The following SH3D19 variants were observed in gnomAD, a reference collection of about 807,000 sequenced individuals.
SH3D19 encodes SH3 domain-containing protein 19.
SH3D19 carries 58 observed loss-of-function variants against 112.1 expected under a neutral mutation model. That is an observed-to-expected ratio of 0.52 (90% confidence interval 0.42 to 0.64). SH3D19 has a LOEUF of 0.64. SH3D19 is among the 30% of genes least tolerant of loss of function. SH3D19 has a pLI of 0.00. For missense variants in SH3D19, 1,090 were observed against 1,263.4 expected (o/e 0.86, Z 2.08); for synonymous variants, 391 against 448.5 (o/e 0.87, Z 1.62).
At chr4:151,156,012 A>G (rs1237579022) in intron 9 of SH3D19, among the ~76,000 whole-genome samples, 1 of 152,220 alleles carries the variant, frequency 6.6e-6, no homozygotes, top group Admixed American at 6.5e-5. Flanking sequence ...TATCAGTAAC[A>G]TTTCTATACA....
intron 9 of SH3D19, among the ~76,000 whole-genome samples, chr4:151,150,053 C>T (rs1169476203): frequency 6.6e-6 from 1 of 150,406 alleles, no homozygotes; most frequent in South Asian, 2.1e-4. Context: ...GGCATGGTGG[C>T]GGACACCTGT....
intron 1 of SH3D19, among the ~76,000 whole-genome samples, chr4:151,235,696 G>C (rs1580294098): frequency 6.6e-6 from 1 of 152,190 alleles, no homozygotes; most frequent in South Asian, 2.1e-4. Flanking sequence ...TGAGGCATGA[G>C]AATTGCTTGA....
intron 1 of SH3D19, among the ~76,000 whole-genome samples, chr4:151,289,939 C>T (rs115915962): frequency 0.018 from 2,739 of 152,150 alleles, 41 homozygotes; most frequent in Middle Eastern, 0.037. Flanking sequence ...AAAACCGGTA[C>T]ACAAGTGTTC....
Position 151,139,202 on chromosome 4 carries a change from G to A in SH3D19, c.2296+573C>T, listed in dbSNP as rs188380374. 7.3e-5 allele frequency among the ~76,000 whole-genome samples: 11 copies of A among 151,314 alleles called. No homozygotes were observed. The East Asian group carries it at 1.2e-3, about 16-fold the overall frequency. Reference sequence around the variant, plus strand: ...GGAGTCTCGCTCTGTCCCTCGGGCCGGAGTGCAGTGGCGCGATCTCAGCTC... The same window carrying A: ...GGAGTCTCGCTCTGTCCCTCGGGCCAGAGTGCAGTGGCGCGATCTCAGCTC... On this transcript the variant is annotated intron_variant, in intron 13 of 19. Transcript: ENST00000604030.
intron 3 of SH3D19, among the ~76,000 whole-genome samples, chr4:151,181,479 G>A (rs776481496): frequency 6.6e-6 from 1 of 152,104 alleles, no homozygotes; most frequent in Non-Finnish European, 1.5e-5. Context: ...ATCATCAACT[G>A]GTTTGACTGA....
intron 17 of SH3D19, among the ~76,000 whole-genome samples, chr4:151,129,717 C>G (rs1341687526): frequency 1.3e-5 from 2 of 152,194 alleles, no homozygotes; most frequent in Non-Finnish European, 2.9e-5. Flanking sequence ...AGACCCAGTT[C>G]TGCCACTTCT....
At chr4:151,227,716 A>T in intron 1 of SH3D19, 1 of 982,648 alleles carries the variant, frequency 1.0e-6, no homozygotes, top group Non-Finnish European at 1.2e-6. Flanking sequence ...CCAGAAACTG[A>T]ATACAGATTA....
chr4:151,218,019 A>G (rs1458886925), intron 2 of SH3D19, among the ~76,000 whole-genome samples: 1 of 152,184 alleles, frequency 6.6e-6, no homozygotes, highest in East Asian at 1.9e-4. Context: ...TATGCTATAT[A>G]TATGCATAGA....
At chr4:151,142,193 C>A (rs72723722) in intron 12 of SH3D19, among the ~76,000 whole-genome samples, 403 of 152,250 alleles carry the variant, frequency 2.6e-3, no homozygotes, top group Non-Finnish European at 3.9e-3. Flanking sequence ...TGTTAAATAC[C>A]TTATATGCAT....
chr4:151,265,881 G>A lies in SH3D19; in HGVS notation c.113-39795C>T, dbSNP rs368903115. 4.6e-5 allele frequency among the ~76,000 whole-genome samples: 7 copies of A among 152,082 alleles called. No individual in the cohort carries two copies. The East Asian group carries it at 9.7e-4, about 21-fold the overall frequency. On this transcript the variant is annotated intron_variant, in intron 1 of 19. Transcript: ENST00000604030. ...ATTACAGGTGTGAGCCACAGCGCCT[G>A]GCCCCCTTATACTTATTACAGCAGC...
chr4:151,135,159 A>G lies in SH3D19; in HGVS notation c.2428-27T>C, dbSNP rs751431657. The G allele has an allele frequency of 2.6e-6, 4 of 1,551,198 alleles. No individual in the cohort carries two copies. The South Asian group carries it at 4.8e-5, about 19-fold the overall frequency. ...TAGCAAAGATAAAATCAAGGCAACA[A>G]TTATATTTTTTTCAGATTTTCATAA... is the stretch of plus-strand genomic sequence containing the variant. On this transcript the variant is annotated intron_variant, in intron 14 of 19. Coordinates refer to ENST00000604030, the MANE Select transcript of SH3D19 (RefSeq NM_001378122.1).
intron 1 of SH3D19, among the ~76,000 whole-genome samples, chr4:151,298,181 ATTTTTTTTT>A (rs386401883): frequency 1.2e-4 from 11 of 94,886 alleles, no homozygotes; most frequent in African/African-American, 4.6e-4. Flanking sequence ...AGAATAATAA[ATTTTTTTTT>A]TTTTTTTTTT....
At chr4:151,260,242 C>T (rs1240391630) in intron 1 of SH3D19, among the ~76,000 whole-genome samples, 1 of 152,128 alleles carries the variant, frequency 6.6e-6, no homozygotes, top group Non-Finnish European at 1.5e-5. Context: ...TTCCATTTCC[C>T]TTGGTTTAAA....
At chr4:151,268,149 C>T (rs1772952478) in intron 1 of SH3D19, among the ~76,000 whole-genome samples, 1 of 152,204 alleles carries the variant, frequency 6.6e-6, no homozygotes, top group Non-Finnish European at 1.5e-5. Context: ...GTCTATTGCT[C>T]ATAGGCTACA....
rs1752158448 is a variant in SH3D19 at position 151,137,754 on chromosome 4, G to C, written c.2405C>G (p.Pro802Arg). Residue 802 changes from proline to arginine, a missense_variant, in exon 14 of 20, where the codon CCT becomes CGT. By Grantham distance (103) the Pro-to-Arg change is moderately radical (BLOSUM62 -2). Transcript: ENST00000604030. Reference protein sequence around the residue: ...GNCRNQIGIFPANYVKVIIDI... With the variant: ...GNCRNQIGIFRANYVKVIIDI... Reference sequence around the variant, plus strand: ...TACAATCACTTTGACATAGTTGGCAGGAAATATGCCAATCTGGTTTCTACA... The same window carrying C: ...TACAATCACTTTGACATAGTTGGCACGAAATATGCCAATCTGGTTTCTACA... 2 of 1,601,496 alleles carry C rather than the reference G, an allele frequency of 1.2e-6. No homozygotes were observed. The highest frequency in any genetic ancestry group is 1.7e-6 in the Non-Finnish European group (2 of 1,175,290).
chr4:151,264,683 A>T (rs191205772), intron 1 of SH3D19, among the ~76,000 whole-genome samples: 1 of 152,304 alleles, frequency 6.6e-6, no homozygotes, highest in Admixed American at 6.5e-5. Flanking sequence ...TGTTGGTGTT[A>T]ATGAAGGTGT....
chr4:151,182,988 T>C (rs1761180726), intron 3 of SH3D19, among the ~76,000 whole-genome samples: 1 of 146,112 alleles, frequency 6.8e-6, no homozygotes, highest in South Asian at 2.2e-4. Context: ...TTTTCAAACT[T>C]TTTCTTTTTT....
intron 2 of SH3D19, among the ~76,000 whole-genome samples, chr4:151,196,366 C>A (rs10857255): frequency 0.83 from 126,063 of 152,102 alleles, 53,890 homozygotes; most frequent in Non-Finnish European, 0.95. Context: ...GAATTCGAGG[C>A]TGCAGTGGGC....
At chr4:151,241,092 CT>C (rs1400638554) in intron 1 of SH3D19, among the ~76,000 whole-genome samples, 1 of 149,842 alleles carries the variant, frequency 6.7e-6, no homozygotes, top group Non-Finnish European at 1.5e-5. Context: ...TGAGACCAGC[CT>C]GGGTAAGGTG....
Sources: allele counts gnomAD v4.1 joint callset (sites outside exome capture counted in the v4.1 genomes callset), GRCh38; gene constraint gnomAD v4.1.1; transcripts MANE v1.5; gene names NCBI Gene and HGNC (gene_info 2026-07-23, HGNC 2026-07-21).